The following NRXN1 variants were observed in gnomAD, a reference collection of about 807,000 sequenced individuals.
The protein encoded by NRXN1 is neurexin-1.
A neutral mutation model predicts 150.9 loss-of-function variants in NRXN1; 39 were observed. The observed-to-expected ratio is 0.26, with a 90% confidence interval of 0.20 to 0.34. The LOEUF (loss-of-function observed/expected upper bound fraction) is 0.34, where lower values mean the gene tolerates loss of function less well. NRXN1 is among the 10% of genes least tolerant of loss of function. NRXN1 has a pLI of 1.00. For missense variants in NRXN1, 1,815 were observed against 1,949.9 expected (o/e 0.93, Z 1.30); for synonymous variants, 924 against 757.0 (o/e 1.22, Z -3.62).
intron 18 of NRXN1, among the ~76,000 whole-genome samples, chr2:50,096,574 T>A (rs1033713674): frequency 6.6e-6 from 1 of 152,214 alleles, no homozygotes; most frequent in African/African-American, 2.4e-5. Context: ...CCTGTACATG[T>A]CTTGATCTCC....
intron 5 of NRXN1, among the ~76,000 whole-genome samples, chr2:50,691,315 G>A (rs960247234): frequency 7.9e-5 from 12 of 152,152 alleles, no homozygotes; most frequent in East Asian, 3.9e-4. Context: ...TTGAAAAACC[G>A]TTAAGTGGAA....
chr2:49,929,265 T>G (rs1269485702), intron 22 of NRXN1, among the ~76,000 whole-genome samples: 1 of 152,188 alleles, frequency 6.6e-6, no homozygotes, highest in Non-Finnish European at 1.5e-5. Context: ...CCACACTCTG[T>G]ATGACCTTGG....
chr2:50,392,152 T>C (rs2103824149), intron 17 of NRXN1, among the ~76,000 whole-genome samples: 1 of 152,262 alleles, frequency 6.6e-6, no homozygotes, highest in South Asian at 2.1e-4. Context: ...GCTTACATGA[T>C]AACTAGCGAT....
At position 50,320,283 on chromosome 2, in the gene NRXN1, C is replaced by CTTAT. The variant is rs1178411507; in HGVS notation, c.3365-83314_3365-83313insATAA. Among the ~76,000 whole-genome samples the CTTAT allele has an allele frequency of 3.8e-3, 165 of 43,044 alleles. 9 individuals are homozygous for CTTAT. Among genetic ancestry groups the CTTAT allele is most frequent in the African/African-American group, 9.0e-3 (154 of 17,084 alleles). The allele number at this position is 43,044 out of a possible 152,430, so 28.2% of individuals were successfully genotyped here. ...TATTCATTTATTCTTATACCTCAAT[C>CTTAT]ATATATATATATATATATATATATA... On this transcript the variant is annotated intron_variant, in intron 17 of 22. Transcript: ENST00000401669.
intron 2 of NRXN1, among the ~76,000 whole-genome samples, chr2:50,958,290 A>G (rs918630755): frequency 2.6e-5 from 4 of 152,120 alleles, no homozygotes; most frequent in African/African-American, 9.7e-5. Context: ...TGTACCCAGT[A>G]GAATTCTAGA....
chr2:50,033,353 G>C (rs1042989601), intron 21 of NRXN1, among the ~76,000 whole-genome samples: 15 of 151,868 alleles, frequency 9.9e-5, no homozygotes, highest in African/African-American at 3.6e-4. Context: ...CTTTAACAAA[G>C]CTAACAAAAA....
chr2:50,135,320 G>A (rs901591656), intron 18 of NRXN1, among the ~76,000 whole-genome samples: 7 of 152,146 alleles, frequency 4.6e-5, no homozygotes, highest in Non-Finnish European at 8.8e-5. Flanking sequence ...GAGAATAGAC[G>A]AAAGGTTTTA....
intron 19 of NRXN1, among the ~76,000 whole-genome samples, chr2:50,084,312 G>A (rs1381693173): frequency 6.6e-6 from 1 of 152,190 alleles, no homozygotes; most frequent in Non-Finnish European, 1.5e-5. Context: ...CTGGGGAGGG[G>A]AGGCTCAGGC....
chr2:50,239,772 A>T (rs1313004303), intron 17 of NRXN1, among the ~76,000 whole-genome samples: 1 of 140,618 alleles, frequency 7.1e-6, no homozygotes, highest in East Asian at 2.1e-4. Flanking sequence ...AGTTAATTGG[A>T]TGTCAGTCTG....
chr2:50,790,135 C>CCA (rs61580117), intron 5 of NRXN1, among the ~76,000 whole-genome samples: 24,441 of 146,746 alleles, frequency 0.17, 2,085 homozygotes, highest in African/African-American at 0.24. Context: ...TTCCCTCCCA[C>CCA]CACACACACA....
In NRXN1 at chr2:50,746,075, A is replaced by G. The variant is rs535018441; in HGVS notation, c.833-122460T>C. On this transcript the variant is annotated intron_variant, in intron 5 of 22. Transcript: ENST00000401669. ...AAGCTCCATTTCAATTTCTGAGCTA[A>G]AACTTTTTCTCCTGGCACCCAAATT... Among the ~76,000 whole-genome samples, 3 of 152,278 alleles carry G rather than the reference A, an allele frequency of 2.0e-5. No individual in the cohort carries two copies. The East Asian group carries it at 5.8e-4, about 29-fold the overall frequency.
At chr2:50,340,894 T>C (rs1385511526) in intron 17 of NRXN1, among the ~76,000 whole-genome samples, 1 of 152,208 alleles carries the variant, frequency 6.6e-6, no homozygotes, top group Non-Finnish European at 1.5e-5. Context: ...ACTGTGGTGA[T>C]GGTCAACAGT....
chr2:50,645,926 A>G (rs77421195), intron 5 of NRXN1, among the ~76,000 whole-genome samples: 1,548 of 152,036 alleles, frequency 0.01, 32 homozygotes, highest in African/African-American at 0.035. Context: ...ACATTCGTTT[A>G]AAGTGCTGCT....
intron 17 of NRXN1, among the ~76,000 whole-genome samples, chr2:50,444,705 T>TA (rs1052035333): frequency 3.4e-4 from 51 of 152,184 alleles, no homozygotes; most frequent in African/African-American, 1.2e-3. Flanking sequence ...ATTTTAAAAA[T>TA]AAAAAGTTGT....
intron 19 of NRXN1, among the ~76,000 whole-genome samples, chr2:50,064,550 C>T (rs902995163): frequency 1.3e-5 from 2 of 151,854 alleles, no homozygotes; most frequent in African/African-American, 4.8e-5. Context: ...CAGTCTTGGA[C>T]TTGATGAACC....
At chr2:50,447,602 T>C (rs1403888404) in intron 17 of NRXN1, among the ~76,000 whole-genome samples, 1 of 147,522 alleles carries the variant, frequency 6.8e-6, no homozygotes, top group African/African-American at 2.5e-5. Context: ...ATCCAGGATT[T>C]TCTTTGTTTT....
At chr2:50,388,636 T>C (rs1284933114) in intron 17 of NRXN1, among the ~76,000 whole-genome samples, 1 of 152,162 alleles carries the variant, frequency 6.6e-6, no homozygotes, top group Non-Finnish European at 1.5e-5. Flanking sequence ...GTATCGTTGC[T>C]TTGGAATTAT....
At chr2:50,846,627 A>G (rs1363243750) in intron 5 of NRXN1, among the ~76,000 whole-genome samples, 1 of 152,208 alleles carries the variant, frequency 6.6e-6, no homozygotes, top group Non-Finnish European at 1.5e-5. Context: ...AGTTCAAAAA[A>G]ATATTTTCTG....
chr2:50,909,984 T>C (rs1219894559), intron 5 of NRXN1, among the ~76,000 whole-genome samples: 1 of 151,932 alleles, frequency 6.6e-6, no homozygotes, highest in South Asian at 2.1e-4. Context: ...AATTATTTCC[T>C]GGTCAGCATT....
Sources: allele counts gnomAD v4.1 joint callset (sites outside exome capture counted in the v4.1 genomes callset), GRCh38; gene constraint gnomAD v4.1.1; transcripts MANE v1.5; gene names NCBI Gene and HGNC (gene_info 2026-07-23, HGNC 2026-07-21).